Variants in EDIL3 observed in about 807,000 individuals in gnomAD.
The protein encoded by EDIL3 is EGF like and discoidin domains 3.
EDIL3 carries 37 observed loss-of-function variants against 67.4 expected under a neutral mutation model. The observed-to-expected ratio is 0.55, with a 90% CI of 0.42 to 0.72. EDIL3 has a LOEUF of 0.72. EDIL3 is among the 30% of genes least tolerant of loss of function. EDIL3 has a pLI of 0.00. For missense variants in EDIL3, 527 were observed against 586.3 expected (o/e 0.90, Z 1.04); for synonymous variants, 195 against 196.3 (o/e 0.99, Z 0.05).
chr5:84,151,257 A>G (rs1748383378), intron 4 of EDIL3, among the ~76,000 whole-genome samples: 1 of 145,870 alleles, frequency 6.9e-6, no homozygotes, highest in Admixed American at 6.7e-5. Context: ...ATACACACAC[A>G]CGCACATACA....
intron 9 of EDIL3, among the ~76,000 whole-genome samples, chr5:83,993,012 G>A (rs1395083291): frequency 1.3e-5 from 2 of 152,152 alleles, no homozygotes; most frequent in East Asian, 3.9e-4. Flanking sequence ...AGTACAAGTT[G>A]CTATTGAGGA....
Position 84,157,489 on chromosome 5 carries a change from ATATG to A in EDIL3, c.356-20139_356-20136del, listed in dbSNP as rs1294065234. ...AAAAATTTACTTTTTTCAATTAAAA[ATATG>A]TATGTATGTATGTATTTGCCTATGG... On this transcript the variant is annotated intron_variant, in intron 4 of 10. Transcript: ENST00000296591. Among the ~76,000 whole-genome samples, 4 of 152,182 alleles carry A rather than the reference ATATG, an allele frequency of 2.6e-5. No homozygotes were observed. The East Asian group carries it at 5.8e-4, about 22-fold the overall frequency.
intron 6 of EDIL3, among the ~76,000 whole-genome samples, chr5:84,104,456 A>G (rs1747423042): frequency 1.3e-5 from 2 of 152,002 alleles, no homozygotes; most frequent in African/African-American, 2.4e-5. Flanking sequence ...TTATTAAAGA[A>G]CACAATTATA....
chr5:84,246,652 G>T (rs1240088930), intron 2 of EDIL3, among the ~76,000 whole-genome samples: 1 of 152,104 alleles, frequency 6.6e-6, no homozygotes, highest in Non-Finnish European at 1.5e-5. Flanking sequence ...ACAAATAAAA[G>T]CTTTACCACA....
intron 9 of EDIL3, among the ~76,000 whole-genome samples, chr5:84,007,814 A>G (rs1745445531): frequency 6.6e-6 from 1 of 152,182 alleles, no homozygotes. Context: ...GTATATCAAA[A>G]AGATATTCCT....
intron 4 of EDIL3, among the ~76,000 whole-genome samples, chr5:84,173,472 G>C (rs1009219475): frequency 6.6e-6 from 1 of 152,072 alleles, no homozygotes; most frequent in Non-Finnish European, 1.5e-5. Context: ...AGACTCGCAC[G>C]ACTGCCCCCC....
At chr5:83,973,680 TG>T (rs1292961678) in intron 9 of EDIL3, among the ~76,000 whole-genome samples, 1 of 152,068 alleles carries the variant, frequency 6.6e-6, no homozygotes, top group African/African-American at 2.4e-5. Flanking sequence ...TGTTGTATTA[TG>T]TAAAGCCATT....
intron 4 of EDIL3, among the ~76,000 whole-genome samples, chr5:84,178,628 T>G (rs1580363261): frequency 6.6e-6 from 1 of 152,332 alleles, no homozygotes; most frequent in African/African-American, 2.4e-5. Context: ...ATTATCCAAT[T>G]TGTACGTCTA....
chr5:84,155,486 G>T (rs543212399), intron 4 of EDIL3, among the ~76,000 whole-genome samples: 9 of 152,152 alleles, frequency 5.9e-5, no homozygotes, highest in African/African-American at 4.8e-5. Context: ...CAACATGAAG[G>T]CTCATTCATA....
intron 1 of EDIL3, among the ~76,000 whole-genome samples, chr5:84,379,360 G>T (rs1045069150): frequency 6.6e-6 from 1 of 152,130 alleles, no homozygotes; most frequent in Non-Finnish European, 1.5e-5. Context: ...TATTTATCAT[G>T]ACATTTGTCT....
At chr5:84,167,461 A>G (rs1458190797) in intron 4 of EDIL3, among the ~76,000 whole-genome samples, 4 of 152,028 alleles carry the variant, frequency 2.6e-5, no homozygotes, top group African/African-American at 9.7e-5. Flanking sequence ...ATAAGATGTT[A>G]CTTTTTAAAT....
intron 2 of EDIL3, among the ~76,000 whole-genome samples, chr5:84,230,798 T>TGA (rs1561228914): frequency 2.0e-5 from 3 of 150,498 alleles, no homozygotes; most frequent in South Asian, 2.1e-4. Context: ...TGTGTGTGTG[T>TGA]GACATACACA....
At chr5:84,089,785 A>T (rs1474149405) in intron 6 of EDIL3, among the ~76,000 whole-genome samples, 1 of 152,172 alleles carries the variant, frequency 6.6e-6, no homozygotes, top group Non-Finnish European at 1.5e-5. Flanking sequence ...CACTATAATA[A>T]GACTTTACTC....
chr5:84,373,298 G>A (rs1747894373), intron 1 of EDIL3, among the ~76,000 whole-genome samples: 1 of 151,974 alleles, frequency 6.6e-6, no homozygotes, highest in Non-Finnish European at 1.5e-5. Context: ...CTGGCCATTC[G>A]GTGCCAATTT....
At chr5:84,294,108 G>T (rs1348396599) in intron 1 of EDIL3, among the ~76,000 whole-genome samples, 2 of 152,004 alleles carry the variant, frequency 1.3e-5, no homozygotes, top group Non-Finnish European at 1.5e-5. Context: ...CATCGGCCGG[G>T]TGCGGTGGCT....
intron 1 of EDIL3, among the ~76,000 whole-genome samples, chr5:84,263,468 G>A (rs1745276641): frequency 6.6e-6 from 1 of 152,186 alleles, no homozygotes; most frequent in Admixed American, 6.5e-5. Flanking sequence ...TCTTTCAGGA[G>A]TTAGATGAAA....
intron 1 of EDIL3, among the ~76,000 whole-genome samples, chr5:84,319,499 A>C (rs1441290459): frequency 0.14 from 1,344 of 9,536 alleles, 13 homozygotes; most frequent in African/African-American, 0.25. Context: ...AACAACAAAA[A>C]AAAAAAAAAA....
intron 3 of EDIL3, among the ~76,000 whole-genome samples, chr5:84,182,599 G>T (rs1036290855): frequency 6.6e-6 from 1 of 152,028 alleles, no homozygotes; most frequent in African/African-American, 2.4e-5. Context: ...CATGCACTGG[G>T]GCAAGATTTT....
intron 9 of EDIL3, among the ~76,000 whole-genome samples, chr5:84,013,824 C>G (rs1326244896): frequency 1.3e-5 from 2 of 152,128 alleles, no homozygotes; most frequent in African/African-American, 4.8e-5. Flanking sequence ...AACCCTTAAG[C>G]TAAAGCTAAA....
Sources: allele counts gnomAD v4.1 joint callset (sites outside exome capture counted in the v4.1 genomes callset), GRCh38; gene constraint gnomAD v4.1.1; transcripts MANE v1.5; gene names NCBI Gene and HGNC (gene_info 2026-07-23, HGNC 2026-07-21).